HEATR5A: variants seen among roughly 807,000 people sequenced by gnomAD.
The protein encoded by HEATR5A is HEAT repeat-containing protein 5A.
Under a neutral mutation model 218.8 loss-of-function variants are expected in HEATR5A, and 178 were observed. That is an observed-to-expected ratio of 0.81 (90% confidence interval 0.72 to 0.92). The LOEUF is 0.92. Ranked by LOEUF, HEATR5A falls within the 40% of genes least tolerant of loss-of-function variation. The pLI is 0.00. For missense variants in HEATR5A, 2,420 were observed against 2,418.9 expected (o/e 1.00, Z -0.01); for synonymous variants, 864 against 871.6 (o/e 0.99, Z 0.15).
chr14:31,392,119 A>C (rs1427137631), intron 6 of HEATR5A, among the ~76,000 whole-genome samples: 1 of 152,144 alleles, frequency 6.6e-6, no homozygotes, highest in Non-Finnish European at 1.5e-5. Flanking sequence ...ATTTCCTCCA[A>C]ATTTTTGACA....
intron 16 of HEATR5A, 49 bp from the exon 17 acceptor site, chr14:31,350,766 TTGTTTG>T: frequency 1.4e-6 from 1 of 692,522 alleles, no homozygotes; most frequent in East Asian, 2.9e-5. Context: ...AAGTTTTTGT[TTGTTTG>T]TTTGTTTGTT....
chr14:31,303,025 C>T (rs912917252), intron 32 of HEATR5A, among the ~76,000 whole-genome samples: 2 of 150,592 alleles, frequency 1.3e-5, no homozygotes, highest in South Asian at 2.1e-4. Context: ...GGTGGGAGGA[C>T]TGCTTGAGCC....
chr14:31,398,584 C>A, intron 4 of HEATR5A, 89 bp downstream of exon 4: 1 of 654,326 alleles, frequency 1.5e-6, no homozygotes, highest in Non-Finnish European at 2.6e-6. Flanking sequence ...ATATGCTTGA[C>A]ATATGTAAAG....
chr14:31,330,542 A>G (rs1357896187), intron 22 of HEATR5A, among the ~76,000 whole-genome samples: 1 of 152,018 alleles, frequency 6.6e-6, no homozygotes, highest in African/African-American at 2.4e-5. Context: ...TAATCCCAGC[A>G]CTTTGGGAGG....
At chr14:31,303,384 G>A (rs1450855366) in intron 32 of HEATR5A, among the ~76,000 whole-genome samples, 1 of 152,150 alleles carries the variant, frequency 6.6e-6, no homozygotes, top group African/African-American at 2.4e-5. Context: ...AGTGAGCTGA[G>A]ATCGCGCCAC....
chr14:31,349,835 C>A lies in HEATR5A; in HGVS notation c.2662G>T (p.Asp888Tyr). ...AATCCAGCAGTAAAAGCTCCATCAT[C>A]TACCACTTGGGCTAATCTAGCCCAT... is the stretch of plus-strand genomic sequence containing the variant. ...ESWARLAQVV[D>Y]DGAFTAGLAQ... The change falls in exon 18 of 36, where the codon GAT (aspartate) becomes TAT (tyrosine). Residue 888 changes from aspartate to tyrosine, a missense_variant. By Grantham distance (160) the Asp-to-Tyr change is radical (BLOSUM62 -3). Coordinates refer to ENST00000543095, the MANE Select transcript of HEATR5A (RefSeq NM_015473.4). 6.2e-7 allele frequency: 1 copy of A among 1,613,442 alleles called. No homozygotes were observed. Among genetic ancestry groups the A allele is most frequent in the Non-Finnish European group, 8.5e-7 (1 of 1,179,482 alleles).
At chr14:31,392,920 G>A (rs559404766) in intron 6 of HEATR5A, among the ~76,000 whole-genome samples, 12 of 152,270 alleles carry the variant, frequency 7.9e-5, no homozygotes, top group Non-Finnish European at 1.3e-4. Context: ...GGGTTGGGGC[G>A]GAGAAAGTAG....
At chr14:31,392,046 T>C (rs1379222560) in intron 6 of HEATR5A, among the ~76,000 whole-genome samples, 4 of 152,212 alleles carry the variant, frequency 2.6e-5, no homozygotes, top group Admixed American at 2.6e-4. Flanking sequence ...CTTTCTCACT[T>C]CTGAAGAATA....
In HEATR5A at chr14:31,364,237, G is replaced by C; in HGVS notation, c.2023C>G (p.Gln675Glu). The change falls in exon 14 of 36, where the codon CAA becomes GAA. Residue 675 changes from glutamine (Q) to glutamate (E), a missense_variant. Transcript: ENST00000543095. ...AAAATCAACAGTTCATAAAGTCTTT[G>C]TCTATAAACCACTGACGGTGTTTTC... The part of the protein sequence containing the change: ...PLKTPSVVYR[Q>E]RLYELLILLP... 6.4e-7 allele frequency: 1 copy of C among 1,556,070 alleles called. No individual in the cohort carries two copies.
intron 13 of HEATR5A, among the ~76,000 whole-genome samples, chr14:31,370,485 A>T (rs954419419): frequency 5.9e-5 from 9 of 152,262 alleles, no homozygotes; most frequent in Non-Finnish European, 1.5e-5. Flanking sequence ...GGGTCAAAGG[A>T]TACTTACACT....
chr14:31,305,226 T>C (rs1361498474), intron 31 of HEATR5A, 49 bp from the exon 32 acceptor site: 5 of 1,562,616 alleles, frequency 3.2e-6, no homozygotes, highest in Non-Finnish European at 3.5e-6. Context: ...CTGCTTCTGG[T>C]AGATGGCAAT....
At chr14:31,398,634 C>T (rs2030750672) in intron 4 of HEATR5A, 39 bp downstream of exon 4, 3 of 1,092,416 alleles carry the variant, frequency 2.7e-6, no homozygotes, top group Non-Finnish European at 4.0e-6. Context: ...CAATAAAATG[C>T]TGTCTTTTCA....
At chr14:31,336,591 T>G (rs1900679646) in intron 22 of HEATR5A, among the ~76,000 whole-genome samples, 4 of 151,818 alleles carry the variant, frequency 2.6e-5, no homozygotes, top group Admixed American at 2.0e-4. Flanking sequence ...CACTTAAATC[T>G]TACTGGCTAA....
chr14:31,324,395 G>C (rs1900199824), intron 23 of HEATR5A, among the ~76,000 whole-genome samples: 1 of 152,144 alleles, frequency 6.6e-6, no homozygotes, highest in Non-Finnish European at 1.5e-5. Flanking sequence ...TTTAACAACT[G>C]AAAATGGAAC....
chr14:31,375,001 A>T (rs1902174682), intron 11 of HEATR5A, 33 bp from the exon 12 acceptor site: 7 of 1,553,700 alleles, frequency 4.5e-6, no homozygotes, highest in Non-Finnish European at 6.1e-6. Flanking sequence ...CTTGTAAGAG[A>T]ATCCAAGGTT....
rs1239395954 is a variant in HEATR5A, at chr14:31,294,235, C to CA, written c.5620-132dup. On this transcript the variant is annotated intron_variant, in intron 34 of 35. Transcript: ENST00000543095. ...TAATTTGTGTTTAATTTTGAAAGTCCAAGGGCCAACAGGTAATCAAACATC... is the reference window on the plus strand; with the variant it reads ...TAATTTGTGTTTAATTTTGAAAGTCCAAAGGGCCAACAGGTAATCAAACATC... The CA allele has an allele frequency of 6.3e-6, 4 of 638,452 alleles. No individual in the cohort carries two copies. The East Asian group carries it at 1.1e-4, about 18-fold the overall frequency. 39.5% of individuals were successfully genotyped at this position (638,452 alleles called of 1,614,324 possible). A position where few individuals can be genotyped will look rare whatever the true frequency, so the allele number is the denominator to read the frequency against.
At position 31,386,420 on chromosome 14, in the gene HEATR5A, C is replaced by G; in HGVS notation, c.1345G>C (p.Gly449Arg). Reference protein sequence around the residue: ...AAPLLQDSSTGLLDSILSVIL... With the variant: ...AAPLLQDSSTRLLDSILSVIL... ...TCCAATGAGTCACAAACAGATATAC[C>G]TGTACTTGAATCCTGTAGCAAAGGT... Residue 449 changes from glycine (G) to arginine (R), a missense_variant and splice_region_variant, in exon 9 of 36, where the codon GGT (glycine) becomes CGT (arginine). Coordinates refer to ENST00000543095, the MANE Select transcript of HEATR5A (RefSeq NM_015473.4). The G allele has an allele frequency of 6.2e-7, 1 of 1,612,714 alleles. No individual in the cohort carries two copies. Among genetic ancestry groups the G allele is most frequent in the Non-Finnish European group, 8.5e-7 (1 of 1,179,178 alleles).
At chr14:31,330,748 G>A (rs558914494) in intron 22 of HEATR5A, among the ~76,000 whole-genome samples, 10 of 151,486 alleles carry the variant, frequency 6.6e-5, no homozygotes, top group East Asian at 6.0e-4. Flanking sequence ...CCAAGATTGC[G>A]CCACTGTGCT....
At chr14:31,294,501 C>T (rs540482257) in intron 34 of HEATR5A, among the ~76,000 whole-genome samples, 1 of 151,278 alleles carries the variant, frequency 6.6e-6, no homozygotes, top group Admixed American at 6.6e-5. Context: ...CCTCTGCCTC[C>T]TGTGTTCAAG....
Sources: gnomAD v4.1 joint callset for allele counts (sites outside exome capture counted in the v4.1 genomes callset) on GRCh38, gnomAD v4.1.1 for gene constraint, MANE v1.5 for transcripts, NCBI Gene and HGNC (gene_info 2026-07-23, HGNC 2026-07-21) for gene names.